The following STK31 variants were observed in gnomAD, a reference collection of about 807,000 sequenced individuals.
STK31 encodes serine/threonine-protein kinase 31.
In STK31, 89 loss-of-function variants were observed where a neutral mutation model predicts 129.7. That is an observed-to-expected ratio of 0.69 (90% CI 0.58 to 0.82). The LOEUF (loss-of-function observed/expected upper bound fraction) is 0.82, where lower values mean the gene tolerates loss of function less well. STK31 is among the 40% of genes least tolerant of loss of function. The pLI, the probability that STK31 is intolerant of heterozygous loss-of-function variation, is 0.00. For missense variants in STK31, 1,187 were observed against 1,176.4 expected, an observed-to-expected ratio of 1.01 and a Z score of -0.13; for synonymous variants, 448 against 395.3, an observed-to-expected ratio of 1.13 and a Z score of -1.58.
chr7:23,783,395 G>A (rs1220787215), intron 16 of STK31, among the ~76,000 whole-genome samples, 188 bp from the exon 17 acceptor site: 1 of 152,144 alleles, frequency 6.6e-6, no homozygotes, highest in African/African-American at 2.4e-5. Context: ...TGTTTAATTT[G>A]CTTTAGCAGA....
At chr7:23,829,596 G>A (rs773421730) in intron 23 of STK31, among the ~76,000 whole-genome samples, 11 of 152,148 alleles carry the variant, frequency 7.2e-5, no homozygotes, top group Non-Finnish European at 1.6e-4. Flanking sequence ...TTTTGTTGTT[G>A]TTGTGTCCTT....
intron 23 of STK31, 48 bp from the exon 24 acceptor site, chr7:23,832,088 A>G: frequency 3.7e-6 from 5 of 1,363,680 alleles, no homozygotes; most frequent in East Asian, 2.3e-5. Context: ...TTCATTACAG[A>G]TTTGTCCTTT....
Position 23,832,460 on chromosome 7 carries a change from T to C in STK31, c.*94T>C. ...AGAAATGTTCTGGGACTAGTTGAGT[T>C]GTATCTTTAGTATTCAGGTTGTGAA... is the stretch of plus-strand genomic sequence containing the variant. On this transcript the variant is annotated 3_prime_UTR_variant, in exon 24 of 24. Coordinates refer to ENST00000355870, the MANE Select transcript of STK31 (RefSeq NM_031414.5). 1 of 886,010 alleles carries C rather than the reference T, an allele frequency of 1.1e-6. No homozygotes were observed. Among genetic ancestry groups the C allele is most frequent in the Non-Finnish European group, 1.8e-6 (1 of 568,502 alleles). 54.9% of individuals were successfully genotyped at this position (886,010 alleles called of 1,614,324 possible).
intron 22 of STK31, chr7:23,811,164 C>G (rs1793107694): frequency 6.0e-6 from 1 of 167,272 alleles, no homozygotes; most frequent in Admixed American, 6.4e-5. Flanking sequence ...ATTTCTAAAT[C>G]ATCCATAAAG....
At chr7:23,729,912 G>A (rs1018889850) in intron 6 of STK31, among the ~76,000 whole-genome samples, 3 of 152,048 alleles carry the variant, frequency 2.0e-5, no homozygotes, top group Non-Finnish European at 4.4e-5. Flanking sequence ...ACCTAGTCCT[G>A]GCCATAAATA....
At chr7:23,727,844 GC>G (rs1185018887) in intron 5 of STK31, among the ~76,000 whole-genome samples, 1 of 151,914 alleles carries the variant, frequency 6.6e-6, no homozygotes, top group Non-Finnish European at 1.5e-5. Flanking sequence ...ACAGGAGTGA[GC>G]CACTGTGCCC....
chr7:23,800,781 AAAT>A (rs1263826033), intron 22 of STK31, among the ~76,000 whole-genome samples: 1 of 152,138 alleles, frequency 6.6e-6, no homozygotes, highest in Non-Finnish European at 1.5e-5. Context: ...ATATAAATAA[AAAT>A]AATATCATAT....
At chr7:23,816,960 C>G (rs1363024414) in intron 23 of STK31, among the ~76,000 whole-genome samples, 1 of 152,012 alleles carries the variant, frequency 6.6e-6, no homozygotes, top group Non-Finnish European at 1.5e-5. Flanking sequence ...CCGAGGTGGG[C>G]AGATCAACTG....
intron 18 of STK31, 103 bp downstream of exon 18, chr7:23,785,706 G>C (rs1402916576): frequency 1.4e-6 from 2 of 1,417,580 alleles, no homozygotes; most frequent in Admixed American, 2.2e-5. Flanking sequence ...GTTTTCTAAA[G>C]TGTATAAGTT....
intron 4 of STK31, among the ~76,000 whole-genome samples, chr7:23,724,241 G>A (rs1786912216): frequency 6.6e-6 from 1 of 152,134 alleles, no homozygotes; most frequent in African/African-American, 2.4e-5. Context: ...TACATTGTTT[G>A]TGCCAGTACC....
chr7:23,786,616 T>C lies in STK31; in HGVS notation c.2383T>C (p.Phe795Leu), dbSNP rs758286708. 5.6e-6 allele frequency: 9 copies of C among 1,613,218 alleles called. No homozygotes were observed. The highest frequency in any genetic ancestry group is 1.7e-5 in the Admixed American group (1 of 59,836). ...AGACTCAGGGTTACTGCCATTGATATTCCTGTTTTTATGTAAGGTAAAGTT... is the reference window on the plus strand; with the variant it reads ...AGACTCAGGGTTACTGCCATTGATACTCCTGTTTTTATGTAAGGTAAAGTT... ...EGDSGLLPLIFLFLCKSDPMA... is the reference protein window; with the variant it reads ...EGDSGLLPLILLFLCKSDPMA... Residue 795 changes from phenylalanine to leucine, a missense_variant, in exon 19 of 24, where the codon TTC becomes CTC. This residue lies in a region of STK31 where 975 missense variants were observed against 934.9 expected (regional missense o/e 1.04). Transcript: ENST00000355870.
chr7:23,801,119 T>C (rs560605857), intron 22 of STK31, among the ~76,000 whole-genome samples: 1 of 152,344 alleles, frequency 6.6e-6, no homozygotes, highest in South Asian at 2.1e-4. Context: ...TATTATTCTT[T>C]AAGGACCTGC....
At chr7:23,818,700 C>T (rs1793609807) in intron 23 of STK31, among the ~76,000 whole-genome samples, 1 of 151,372 alleles carries the variant, frequency 6.6e-6, no homozygotes, top group Non-Finnish European at 1.5e-5. Flanking sequence ...TCTCAGCTCA[C>T]TGCAGCCTCT....
intron 3 of STK31, among the ~76,000 whole-genome samples, chr7:23,716,188 CTT>C (rs1464129311): frequency 6.6e-6 from 1 of 152,050 alleles, no homozygotes; most frequent in African/African-American, 2.4e-5. Context: ...TATTTCAAGA[CTT>C]TTGACACTTC....
chr7:23,752,463 C>T (rs187847550), intron 8 of STK31, among the ~76,000 whole-genome samples: 2 of 152,068 alleles, frequency 1.3e-5, no homozygotes, highest in East Asian at 3.9e-4. Context: ...CATCCTCTCA[C>T]CTTAGCCTCC....
At chr7:23,813,078 C>CTTTTTTTTTATTTTTTTT (rs1793242979) in intron 22 of STK31, among the ~76,000 whole-genome samples, 1 of 94,116 alleles carries the variant, frequency 1.1e-5, no homozygotes, top group African/African-American at 4.2e-5. Context: ...GCTCTCTGTT[C>CTTTTTTTTTATTTTTTTT]TTTTTTTTTT....
rs191460246 is a variant in STK31, at chr7:23,797,658, G to A, written c.2760+6712G>A. Among the ~76,000 whole-genome samples, 7 of 152,102 alleles carry A rather than the reference G, an allele frequency of 4.6e-5. No individual in the cohort carries two copies. In the East Asian group the frequency reaches 5.8e-4, roughly 13 times the overall value. ...GCACTAAATGCCCACAGGAGAAAGC[G>A]GGAAAGATCTAAAATCGACACCCTA... On this transcript the variant is annotated intron_variant, in intron 22 of 23. Transcript: ENST00000355870.
chr7:23,715,371 A>C (rs11766588), intron 3 of STK31, among the ~76,000 whole-genome samples: 1 of 150,882 alleles, frequency 6.6e-6, no homozygotes, highest in East Asian at 2.0e-4. Context: ...TAATCCCAAC[A>C]CTTTGGGAGA....
chr7:23,757,241 G>A (rs552353774), intron 10 of STK31, among the ~76,000 whole-genome samples: 3 of 152,206 alleles, frequency 2.0e-5, no homozygotes, highest in Admixed American at 6.5e-5. Flanking sequence ...ACCTGTGGGC[G>A]TTTCTCGTCA....
Sources: allele counts gnomAD v4.1 joint callset (sites outside exome capture counted in the v4.1 genomes callset), GRCh38; gene constraint gnomAD v4.1.1; regional missense constraint gnomAD v4.1.1; transcripts MANE v1.5; gene names NCBI Gene and HGNC (gene_info 2026-07-23, HGNC 2026-07-21).